Variants in RHOT1 observed in about 807,000 individuals in gnomAD.
The protein encoded by RHOT1 is mitochondrial Rho GTPase 1.
RHOT1 carries 27 observed loss-of-function variants against 95.3 expected under a neutral mutation model. That is an observed-to-expected ratio of 0.28 (90% CI 0.21 to 0.39). The LOEUF is 0.39. Among genes scored for constraint, RHOT1 ranks in the 10% least tolerant of loss-of-function variants. The pLI is 1.00. For synonymous variants in RHOT1, 227 were observed against 263.5 expected (o/e 0.86, Z 1.34); for missense variants, 578 against 786.7 (o/e 0.73, Z 3.17).
At chr17:32,218,898 A>G (rs958871349) in intron 19 of RHOT1, among the ~76,000 whole-genome samples, 1 of 152,194 alleles carries the variant, frequency 6.6e-6, no homozygotes, top group Non-Finnish European at 1.5e-5. Flanking sequence ...ACGTAATTAC[A>G]AATGAGAAAA....
intron 19 of RHOT1, among the ~76,000 whole-genome samples, chr17:32,218,815 G>GAATA (rs889774413): frequency 1.6e-4 from 24 of 152,126 alleles, no homozygotes; most frequent in Admixed American, 2.6e-4. Context: ...CCCTGTCTCT[G>GAATA]AATAAATAAA....
intron 1 of RHOT1, among the ~76,000 whole-genome samples, chr17:32,153,227 G>C (rs73284194): frequency 0.011 from 1,723 of 152,350 alleles, 34 homozygotes; most frequent in African/African-American, 0.039. Flanking sequence ...AGGGGATTAT[G>C]AGAAGAATCA....
intron 1 of RHOT1, chr17:32,151,519 C>G (rs1268970925): frequency 1.8e-6 from 1 of 570,442 alleles, no homozygotes; most frequent in African/African-American, 1.9e-5. Context: ...TTTCTGAAAT[C>G]TGTCATGAAT....
intron 1 of RHOT1, among the ~76,000 whole-genome samples, chr17:32,152,191 T>C (rs1386954734): frequency 6.6e-6 from 1 of 152,262 alleles, no homozygotes; most frequent in Non-Finnish European, 1.5e-5. Flanking sequence ...ACTTGATTAT[T>C]GTTGTCTTTA....
chr17:32,184,996 T>C (rs73286163), intron 8 of RHOT1, among the ~76,000 whole-genome samples: 6,930 of 152,186 alleles, frequency 0.046, 535 homozygotes, highest in African/African-American at 0.16. Flanking sequence ...TTACAGCTTA[T>C]TATAACCTCA....
At chr17:32,151,524 A>G (rs1328621306) in intron 1 of RHOT1, 4 of 558,276 alleles carry the variant, frequency 7.2e-6, no homozygotes, top group Non-Finnish European at 1.3e-5. Context: ...GAAATCTGTC[A>G]TGAATCCCCT....
At chr17:32,180,425 G>A (rs1454567049) in intron 6 of RHOT1, among the ~76,000 whole-genome samples, 1 of 152,062 alleles carries the variant, frequency 6.6e-6, no homozygotes, top group East Asian at 1.9e-4. Flanking sequence ...GGCAGTGCAA[G>A]ATGTGCTTTG....
At chr17:32,154,675 T>G (rs1246328035) in intron 1 of RHOT1, among the ~76,000 whole-genome samples, 1 of 151,024 alleles carries the variant, frequency 6.6e-6, no homozygotes, top group Non-Finnish European at 1.5e-5. Context: ...GGTGGATCAC[T>G]TGAGGTCAGG....
chr17:32,216,447 T>C (rs946741719), intron 19 of RHOT1, among the ~76,000 whole-genome samples: 2 of 152,182 alleles, frequency 1.3e-5, no homozygotes, highest in Non-Finnish European at 2.9e-5. Flanking sequence ...TGTTGGTTCA[T>C]GTTACTTCTT....
At position 32,194,093 on chromosome 17, in the gene RHOT1, A is replaced by T; in HGVS notation, c.855A>T (p.Glu285Asp). The change falls in exon 11 of 20, where the codon GAA (glutamate) becomes GAT (aspartate). Residue 285 changes from glutamate to aspartate, a missense_variant. Physicochemically the swap from Glu to Asp is conservative, Grantham distance 45 (BLOSUM62 2). Around this residue, in one of 4 missense-constraint regions of RHOT1, gnomAD observed 227 missense variants for 316.0 expected, o/e 0.72. Transcript: ENST00000545287. ...GYDDDLDLTPEYLFPLLKIPP... is the reference protein window; with the variant it reads ...GYDDDLDLTPDYLFPLLKIPP... Reference sequence around the variant, plus strand: ...ATGATGACCTGGATTTGACACCTGAATATTTGTTCCCCCTGTATGTACCTT... The same window carrying T: ...ATGATGACCTGGATTTGACACCTGATTATTTGTTCCCCCTGTATGTACCTT... The T allele has an allele frequency of 1.2e-6, 2 of 1,613,974 alleles. No homozygotes were observed. Among genetic ancestry groups the T allele is most frequent in the East Asian group, 2.2e-5 (1 of 44,870 alleles).
At chr17:32,220,695 G>A (rs2038776549) in intron 19 of RHOT1, among the ~76,000 whole-genome samples, 1 of 151,616 alleles carries the variant, frequency 6.6e-6, no homozygotes. Flanking sequence ...AATTAGCTGG[G>A]CATGGTGGTG....
At chr17:32,157,620 A>G (rs1598302270) in intron 1 of RHOT1, among the ~76,000 whole-genome samples, 1 of 152,098 alleles carries the variant, frequency 6.6e-6, no homozygotes, top group East Asian at 1.9e-4. Context: ...CCTGGCCAAC[A>G]TGGTGAAACC....
rs1403216346 is a variant in RHOT1, at chr17:32,173,872, C to T, written c.138C>T (p.Val46=). 1.2e-6 allele frequency: 2 copies of T among 1,611,130 alleles called. No homozygotes were observed. The highest frequency in any genetic ancestry group is 1.7e-6 in the Non-Finnish European group (2 of 1,178,422). Residue 46 remains valine (V), a synonymous_variant, in exon 3 of 20, where the codon GTC becomes GTT. Transcript: ENST00000545287. ...AAGAAATCACCATTCCAGCTGATGTCACCCCAGAGAGAGTTCCAACACACA... is the reference window on the plus strand; with the variant it reads ...AAGAAATCACCATTCCAGCTGATGTTACCCCAGAGAGAGTTCCAACACACA... ...RAEEITIPAD[V]TPERVPTHIV...
chr17:32,182,705 T>C (rs1265895155), intron 6 of RHOT1, 52 bp from the exon 7 acceptor site: 7 of 1,037,158 alleles, frequency 6.7e-6, no homozygotes, highest in Non-Finnish European at 1.0e-5. Context: ...AATTAAAATA[T>C]AAATTTAATG....
chr17:32,163,559 C>T (rs998184717), intron 1 of RHOT1, among the ~76,000 whole-genome samples: 5 of 151,076 alleles, frequency 3.3e-5, no homozygotes, highest in Admixed American at 1.3e-4. Context: ...GGTAAAATCC[C>T]GTCTCTACTA....
chr17:32,220,459 G>T lies in RHOT1; in HGVS notation c.1863-4157G>T, dbSNP rs73268552. Reference sequence around the variant, plus strand: ...GAATGTTTCCATAATTGATGAAGAAGTCCATACCTTATAACACGTGTGAAA... The same window carrying T: ...GAATGTTTCCATAATTGATGAAGAATTCCATACCTTATAACACGTGTGAAA... On this transcript the variant is annotated intron_variant, in intron 19 of 19. Coordinates refer to ENST00000545287, the MANE Select transcript of RHOT1 (RefSeq NM_001033566.3). Among the ~76,000 whole-genome samples the T allele has an allele frequency of 7.5e-3, 1,143 of 152,268 alleles. 11 individuals carry two copies. Among genetic ancestry groups the T allele is most frequent in the African/African-American group, 0.026 (1,072 of 41,562 alleles).
At chr17:32,192,680 T>C (rs113818845) in intron 9 of RHOT1, among the ~76,000 whole-genome samples, 7 of 150,150 alleles carry the variant, frequency 4.7e-5, no homozygotes, top group Non-Finnish European at 7.4e-5. Context: ...TTTTTTTTTT[T>C]TTTGTTTTTG....
At chr17:32,171,589 A>G (rs922070225) in intron 2 of RHOT1, among the ~76,000 whole-genome samples, 2 of 152,204 alleles carry the variant, frequency 1.3e-5, no homozygotes, top group African/African-American at 4.8e-5. Context: ...ATGTCATATA[A>G]GCTCTGTGAC....
At chr17:32,190,017 A>AT (rs1811737276) in intron 8 of RHOT1, among the ~76,000 whole-genome samples, 3 of 151,774 alleles carry the variant, frequency 2.0e-5, no homozygotes, top group Admixed American at 1.3e-4. Flanking sequence ...AAATACCATA[A>AT]TTTTTTATAG....
Sources: gnomAD v4.1 joint callset for allele counts (sites outside exome capture counted in the v4.1 genomes callset) on GRCh38, gnomAD v4.1.1 for gene constraint, gnomAD v4.1.1 regional missense constraint, MANE v1.5 for transcripts, NCBI Gene and HGNC (gene_info 2026-07-23, HGNC 2026-07-21) for gene names.